The following PHLDB2 variants were observed in gnomAD, a reference collection of about 807,000 sequenced individuals.
PHLDB2 encodes pleckstrin homology-like domain family B member 2.
In PHLDB2, 71 loss-of-function variants were observed where a neutral mutation model predicts 123.6. The ratio of observed to expected loss-of-function variants is 0.57; its 90% confidence interval spans 0.47 to 0.70. The LOEUF (loss-of-function observed/expected upper bound fraction) is 0.70, where lower values mean the gene tolerates loss of function less well. Ranked by LOEUF, PHLDB2 falls within the 30% of genes least tolerant of loss-of-function variation. PHLDB2 has a pLI of 0.00. For synonymous variants in PHLDB2, 547 were observed against 541.6 expected, an observed-to-expected ratio of 1.01 and a Z score of -0.14; for missense variants, 1,446 against 1,519.5, an observed-to-expected ratio of 0.95 and a Z score of 0.80.
chr3:111,834,818 C>G (rs1440682619), intron 1 of PHLDB2, among the ~76,000 whole-genome samples: 1 of 152,032 alleles, frequency 6.6e-6, no homozygotes, highest in Non-Finnish European at 1.5e-5. Context: ...CAATTTATTC[C>G]TGACCTGATA....
intron 1 of PHLDB2, among the ~76,000 whole-genome samples, chr3:111,769,839 T>C (rs2060143593): frequency 6.6e-6 from 1 of 152,330 alleles, no homozygotes; most frequent in East Asian, 1.9e-4. Flanking sequence ...TGGATGCAAA[T>C]TGATGAAACA....
chr3:111,838,687 CA>C (rs2063531549), intron 1 of PHLDB2, among the ~76,000 whole-genome samples: 1 of 152,038 alleles, frequency 6.6e-6, no homozygotes, highest in Non-Finnish European at 1.5e-5. Context: ...GAGGCAGAGT[CA>C]GATTAGAATA....
chr3:111,899,327 T>C (rs2067055180), intron 2 of PHLDB2, among the ~76,000 whole-genome samples: 1 of 152,214 alleles, frequency 6.6e-6, no homozygotes, highest in Non-Finnish European at 1.5e-5. Context: ...AATTATTACA[T>C]AGGTAAACAT....
intron 1 of PHLDB2, among the ~76,000 whole-genome samples, chr3:111,872,263 A>G (rs16858764): frequency 0.047 from 7,130 of 152,318 alleles, 389 homozygotes; most frequent in South Asian, 0.13. Flanking sequence ...TGCAGGGATC[A>G]TATAGTTTCA....
At chr3:111,907,824 T>C (rs2067642761) in intron 2 of PHLDB2, among the ~76,000 whole-genome samples, 1 of 151,706 alleles carries the variant, frequency 6.6e-6, no homozygotes, top group Non-Finnish European at 1.5e-5. Flanking sequence ...TGAGACAGGG[T>C]CTCCCTCTGT....
chr3:111,834,437 A>T (rs2063308004), intron 1 of PHLDB2, among the ~76,000 whole-genome samples: 2 of 148,564 alleles, frequency 1.3e-5, no homozygotes, highest in Non-Finnish European at 3.0e-5. Context: ...TGCTCTTTTC[A>T]CTTACAACTT....
At chr3:111,783,467 A>G (rs1401216457) in intron 1 of PHLDB2, among the ~76,000 whole-genome samples, 1 of 152,130 alleles carries the variant, frequency 6.6e-6, no homozygotes, top group Non-Finnish European at 1.5e-5. Context: ...AAACACTACT[A>G]GGGAAAAAGA....
In PHLDB2 at chr3:111,845,886, CAA is replaced by C. The variant is rs1379357923; in HGVS notation, c.19_20del (p.Lys7GlufsTer11). 5 of 1,613,952 alleles carry C rather than the reference CAA, an allele frequency of 3.1e-6. No individual in the cohort carries two copies. In the African/African-American group the frequency reaches 6.7e-5, roughly 22 times the overall value. On this transcript the variant is annotated frameshift_variant, in exon 2 of 18. Transcript: ENST00000393923. LOFTEE classifies it high-confidence loss of function. The stretch of plus-strand genomic sequence containing the variant: ...AGATCCTGATGGAGGAGGAGGATAC[CAA>C]GAGAGAGGTGCCCAAGGAAGATGGA...
chr3:111,858,908 A>G (rs982042530), upstream of PHLDB2, among the ~76,000 whole-genome samples: 1 of 152,206 alleles, frequency 6.6e-6, no homozygotes, highest in Non-Finnish European at 1.5e-5. Context: ...TTGACTTCCA[A>G]TAAAGCATTG....
chr3:111,803,637 T>G (rs924119034), intron 1 of PHLDB2, among the ~76,000 whole-genome samples: 1 of 152,136 alleles, frequency 6.6e-6, no homozygotes. Context: ...ATCATGGGCT[T>G]TGAAATCAAA....
chr3:111,795,942 G>T (rs2061139295), intron 1 of PHLDB2, among the ~76,000 whole-genome samples: 1 of 152,164 alleles, frequency 6.6e-6, no homozygotes, highest in Non-Finnish European at 1.5e-5. Context: ...TGTTGCCCAG[G>T]CTGGAGTGCA....
intron 5 of PHLDB2, among the ~76,000 whole-genome samples, chr3:111,931,965 A>C (rs772653748): frequency 6.6e-6 from 1 of 152,126 alleles, no homozygotes; most frequent in African/African-American, 2.4e-5. Flanking sequence ...CCAATGACCA[A>C]CACTCAACAT....
At chr3:111,907,176 A>G (rs138687867) in intron 2 of PHLDB2, among the ~76,000 whole-genome samples, 2 of 152,340 alleles carry the variant, frequency 1.3e-5, no homozygotes, top group African/African-American at 4.8e-5. Context: ...TTTTCCCCAC[A>G]TCTGACTCCA....
At chr3:111,955,961 G>A (rs1421545452) in intron 12 of PHLDB2, among the ~76,000 whole-genome samples, 5 of 152,284 alleles carry the variant, frequency 3.3e-5, no homozygotes, top group African/African-American at 1.2e-4. Flanking sequence ...AGCACCTTGG[G>A]AGGCTGAGGA....
chr3:111,931,716 A>C (rs2069160122), intron 5 of PHLDB2, among the ~76,000 whole-genome samples: 1 of 152,164 alleles, frequency 6.6e-6, no homozygotes, highest in Non-Finnish European at 1.5e-5. Context: ...GTAAGTTCTG[A>C]AGTTTTCCAG....
intron 2 of PHLDB2, among the ~76,000 whole-genome samples, chr3:111,892,832 T>G (rs1443879352): frequency 6.6e-6 from 1 of 152,214 alleles, no homozygotes; most frequent in Non-Finnish European, 1.5e-5. Flanking sequence ...AGTAAAAGAC[T>G]AATTGAGCAT....
chr3:111,812,124 T>C (rs2061867696), intron 1 of PHLDB2, among the ~76,000 whole-genome samples: 2 of 152,220 alleles, frequency 1.3e-5, no homozygotes, highest in Admixed American at 1.3e-4. Flanking sequence ...CTGATTCCAT[T>C]TCCAAGGCCA....
chr3:111,787,773 G>C (rs554356154), intron 1 of PHLDB2, among the ~76,000 whole-genome samples: 1 of 152,122 alleles, frequency 6.6e-6, no homozygotes, highest in African/African-American at 2.4e-5. Flanking sequence ...CCCCGGGGTC[G>C]AGTCTCTGGC....
rs200823091 is a variant in PHLDB2 at position 111,884,644 on chromosome 3, C to T, written c.567C>T (p.Gly189=). The change falls in exon 2 of 18, where the codon GGC becomes GGT. Residue 189 remains glycine, a synonymous_variant. Coordinates refer to ENST00000431670, the MANE Select transcript of PHLDB2 (RefSeq NM_001134438.2). ...ATGGAAGTTCCCTGAGTGATGCTGG[C>T]CCGCCTCCTATCAGCAGATCGGGAG... ...MWNGSSLSDA[G]PPPISRSGAA... is the part of the protein sequence containing the mutation. The T allele has an allele frequency of 6.2e-7, 1 of 1,614,132 alleles. No individual in the cohort carries two copies. Among genetic ancestry groups the T allele is most frequent in the Admixed American group, 1.7e-5 (1 of 60,018 alleles).
Sources: gnomAD v4.1 joint callset for allele counts (sites outside exome capture counted in the v4.1 genomes callset) on GRCh38, gnomAD v4.1.1 for gene constraint, MANE v1.5 for transcripts, NCBI Gene and HGNC (gene_info 2026-07-23, HGNC 2026-07-21) for gene names.